DNAJC15: variants seen among roughly 807,000 people sequenced by gnomAD.
DNAJC15 encodes the protein dnaJ homolog subfamily C member 15.
A neutral mutation model predicts 22.4 loss-of-function variants in DNAJC15; 27 were observed. The ratio of observed to expected loss-of-function variants is 1.20; its 90% confidence interval spans 0.89 to 1.66. The LOEUF (loss-of-function observed/expected upper bound fraction) is 1.66, where lower values mean the gene tolerates loss of function less well. Among genes scored for constraint, DNAJC15 ranks in the 40% most tolerant of loss-of-function variants. DNAJC15 has a pLI of 0.00. For synonymous variants in DNAJC15, 79 were observed against 63.2 expected (o/e 1.25, Z -1.19); for missense variants, 208 against 187.1 (o/e 1.11, Z -0.65).
At chr13:43,102,148 T>C (rs950892431) in intron 5 of DNAJC15, among the ~76,000 whole-genome samples, 4 of 152,208 alleles carry the variant, frequency 2.6e-5, no homozygotes, top group Non-Finnish European at 5.9e-5. Flanking sequence ...TGGTATGGCA[T>C]TCTGGTTTTG....
chr13:43,103,383 C>T (rs1241488524), intron 5 of DNAJC15, among the ~76,000 whole-genome samples: 1 of 152,200 alleles, frequency 6.6e-6, no homozygotes. Flanking sequence ...CCAGGTTTTA[C>T]AGGGGTACAC....
chr13:43,111,321 T>A lies in DNAJC15; in HGVS notation c.*4073T>A, dbSNP rs1416285825. Reference sequence around the variant, plus strand: ...TGCAACATGTTCAAACTGAAAAAAATACATTCTTAAACAGGAAACTTTTTC... The same window carrying A: ...TGCAACATGTTCAAACTGAAAAAAAAACATTCTTAAACAGGAAACTTTTTC... On this transcript the variant is annotated 3_prime_UTR_variant, in exon 6 of 6. Coordinates refer to ENST00000379221, the MANE Select transcript of DNAJC15 (RefSeq NM_013238.3). The A allele has an allele frequency of 1.3e-5, 2 of 152,128 alleles. No homozygotes were observed. Among genetic ancestry groups the A allele is most frequent in the Non-Finnish European group, 2.9e-5 (2 of 68,028 alleles). The allele number at this position is 152,128 out of a possible 1,614,324, so 9.4% of individuals were successfully genotyped here.
chr13:43,039,443 A>G (rs2040443190), intron 1 of DNAJC15, among the ~76,000 whole-genome samples: 1 of 152,190 alleles, frequency 6.6e-6, no homozygotes, highest in South Asian at 2.1e-4. Flanking sequence ...CAGAAATGAA[A>G]AGTTTCCAGA....
rs73473962 is a variant in DNAJC15 at position 43,047,626 on chromosome 13, G to A, written c.109-18060G>A. Among the ~76,000 whole-genome samples the A allele has an allele frequency of 3.2e-3, 490 of 152,276 alleles. 5 individuals are homozygous for A. Among genetic ancestry groups the A allele is most frequent in the African/African-American group, 0.011 (471 of 41,564 alleles). On this transcript the variant is annotated intron_variant, in intron 1 of 5. Coordinates refer to ENST00000379221, the MANE Select transcript of DNAJC15 (RefSeq NM_013238.3). ...CTTAATTTTATAGATGAGGAAATGG[G>A]CCCAAAGAGAATAGCTTAGGATCAC...
chr13:43,059,434 C>T (rs1396194437), intron 1 of DNAJC15, among the ~76,000 whole-genome samples: 1 of 152,028 alleles, frequency 6.6e-6, no homozygotes. Context: ...AGTGCAACGG[C>T]GCAATCTCGG....
intron 1 of DNAJC15, among the ~76,000 whole-genome samples, chr13:43,045,916 T>C (rs1192352919): frequency 6.6e-6 from 1 of 152,242 alleles, no homozygotes; most frequent in African/African-American, 2.4e-5. Flanking sequence ...TGCTAAAATG[T>C]ACCTTCATGA....
At chr13:43,044,409 A>G (rs2040467001) in intron 1 of DNAJC15, among the ~76,000 whole-genome samples, 2 of 152,202 alleles carry the variant, frequency 1.3e-5, no homozygotes, top group South Asian at 4.1e-4. Flanking sequence ...CATACTCGTC[A>G]CGGCATATTG....
chr13:43,060,398 A>G (rs2040552944), intron 1 of DNAJC15, among the ~76,000 whole-genome samples: 2 of 152,194 alleles, frequency 1.3e-5, no homozygotes, highest in South Asian at 4.1e-4. Context: ...CAAGGTCCGA[A>G]TAAAAGAAGG....
intron 4 of DNAJC15, among the ~76,000 whole-genome samples, chr13:43,083,292 C>T (rs562200653): frequency 1.2e-4 from 18 of 152,084 alleles, no homozygotes; most frequent in African/African-American, 3.6e-4. Flanking sequence ...CTCAGCCTCC[C>T]GAGTAGCTGG....
chr13:43,038,535 G>A (rs1385672330), intron 1 of DNAJC15, among the ~76,000 whole-genome samples: 2 of 152,170 alleles, frequency 1.3e-5, no homozygotes, highest in Non-Finnish European at 2.9e-5. Flanking sequence ...GCTCATGCCT[G>A]TAATCCCAGC....
At chr13:43,097,978 C>T (rs1027939603) in intron 5 of DNAJC15, among the ~76,000 whole-genome samples, 2 of 152,138 alleles carry the variant, frequency 1.3e-5, no homozygotes, top group African/African-American at 4.8e-5. Flanking sequence ...TTTGAAGGAA[C>T]ACCCAACAAA....
chr13:43,025,632 C>T lies in DNAJC15; in HGVS notation c.108+1898C>T, dbSNP rs187438230. ...CAATAACATGTCTACAGGCTGCGAG[C>T]GGTGTCTCGCTCCTATAATCCCAGC... On this transcript the variant is annotated intron_variant, in intron 1 of 5. Transcript: ENST00000379221. Among the ~76,000 whole-genome samples, 6 of 152,284 alleles carry T rather than the reference C, an allele frequency of 3.9e-5. No individual in the cohort carries two copies. In the East Asian group the frequency reaches 9.6e-4, roughly 24 times the overall value.
At chr13:43,087,170 T>C (rs9525735) in intron 5 of DNAJC15, among the ~76,000 whole-genome samples, 48,815 of 151,964 alleles carry the variant, frequency 0.32, 7,930 homozygotes, top group African/African-American at 0.39. Flanking sequence ...TTAAGAAAGA[T>C]GCTTTTAATG....
At chr13:43,059,850 G>A (rs993584257) in intron 1 of DNAJC15, among the ~76,000 whole-genome samples, 2 of 151,836 alleles carry the variant, frequency 1.3e-5, no homozygotes, top group African/African-American at 2.4e-5. Flanking sequence ...AATGTTTCGC[G>A]GGCATGGGGT....
At chr13:43,052,941 C>T (rs1416996302) in intron 1 of DNAJC15, among the ~76,000 whole-genome samples, 1 of 151,950 alleles carries the variant, frequency 6.6e-6, no homozygotes, top group African/African-American at 2.4e-5. Flanking sequence ...TTGCTTTTGG[C>T]TTTTTGATCA....
At chr13:43,060,301 G>A (rs1202800122) in intron 1 of DNAJC15, among the ~76,000 whole-genome samples, 1 of 152,254 alleles carries the variant, frequency 6.6e-6, no homozygotes, top group East Asian at 1.9e-4. Flanking sequence ...ATATTGTGGG[G>A]TTGTTAGAAG....
intron 1 of DNAJC15, among the ~76,000 whole-genome samples, chr13:43,058,953 A>C (rs1339450873): frequency 1.3e-5 from 2 of 152,172 alleles, no homozygotes. Flanking sequence ...CACTTTGGGC[A>C]CTTAACGGTT....
At chr13:43,059,359 T>A (rs2040546297) in intron 1 of DNAJC15, among the ~76,000 whole-genome samples, 1 of 152,150 alleles carries the variant, frequency 6.6e-6, no homozygotes, top group Non-Finnish European at 1.5e-5. Context: ...TGAGCTCATA[T>A]ATTTATATTT....
chr13:43,097,873 G>T (rs2040748580), intron 5 of DNAJC15, among the ~76,000 whole-genome samples: 1 of 152,190 alleles, frequency 6.6e-6, no homozygotes, highest in Admixed American at 6.5e-5. Context: ...GGAGGCAGAG[G>T]TTGCGGTGAG....
Sources: allele counts gnomAD v4.1 joint callset (sites outside exome capture counted in the v4.1 genomes callset), GRCh38; gene constraint gnomAD v4.1.1; transcripts MANE v1.5; gene names NCBI Gene and HGNC (gene_info 2026-07-23, HGNC 2026-07-21).